Variants in ATG16L1 observed in about 807,000 individuals in gnomAD.
The protein encoded by ATG16L1 is autophagy-related protein 16-1.
ATG16L1 carries 37 observed loss-of-function variants against 88.5 expected under a neutral mutation model. That is an observed-to-expected ratio of 0.42 (90% CI 0.32 to 0.55). The LOEUF is 0.55. ATG16L1 is among the 20% of genes least tolerant of loss of function. The probability of loss-of-function intolerance (pLI) is 0.13; values close to 1 mark genes in which losing one functional copy is unlikely to be tolerated. For synonymous variants in ATG16L1, 301 were observed against 281.0 expected (o/e 1.07, Z -0.71); for missense variants, 554 against 752.8 (o/e 0.74, Z 3.09).
rs73998348 is a variant in ATG16L1, at chr2:233,292,540, A to G, written c.1628+106A>G. On this transcript the variant is annotated intron_variant, in intron 16 of 17. Coordinates refer to ENST00000392017, the MANE Select transcript of ATG16L1 (RefSeq NM_030803.7). ...CTAAATTTTGTTCAGTGCCCAACCT[A>G]TGTTTCCAGGAGTGTGCCTGTAAGT... 5.4e-3 allele frequency: 7,436 copies of G among 1,378,292 alleles called. 332 individuals carry two copies. The African/African-American group carries it at 0.093, about 17-fold the overall frequency. 85.4% of individuals were successfully genotyped at this position (1,378,292 alleles called of 1,614,324 possible).
chr2:233,286,986 C>T (rs959002634), intron 12 of ATG16L1, among the ~76,000 whole-genome samples: 1 of 152,070 alleles, frequency 6.6e-6, no homozygotes, highest in African/African-American at 2.4e-5. Flanking sequence ...AACAAAACGT[C>T]CCTTTCCCTT....
chr2:233,281,089 TTTTC>T lies in ATG16L1; in HGVS notation c.1061-12_1061-9del. The T allele has an allele frequency of 1.3e-6, 2 of 1,556,316 alleles. No individual in the cohort carries two copies. Among genetic ancestry groups the T allele is most frequent in the Non-Finnish European group, 1.7e-6 (2 of 1,147,526 alleles). ...TATTTAACTTCCCATCATCCTAATT[TTTTC>T]TTTTTATACAGAAAAATGTGAGTTC... On this transcript the variant is annotated splice_polypyrimidine_tract_variant and intron_variant, in intron 10 of 17. Coordinates refer to ENST00000392017, the MANE Select transcript of ATG16L1 (RefSeq NM_030803.7).
intron 14 of ATG16L1, among the ~76,000 whole-genome samples, chr2:233,290,732 C>T (rs1699403743): frequency 1.3e-5 from 2 of 152,130 alleles, no homozygotes; most frequent in South Asian, 4.1e-4. Context: ...CAGATTTCTC[C>T]GGAGACGTGA....
chr2:233,291,865 G>A (rs1013427444), intron 14 of ATG16L1, among the ~76,000 whole-genome samples: 2 of 152,208 alleles, frequency 1.3e-5, no homozygotes, highest in African/African-American at 2.4e-5. Flanking sequence ...ATCAGAAACC[G>A]ATGGGCGATT....
In ATG16L1 at chr2:233,281,086, AT is replaced by A. The variant is rs756525435; in HGVS notation, c.1061-13del. The A allele has an allele frequency of 2.4e-5, 37 of 1,545,366 alleles. No homozygotes were observed. In the South Asian group the frequency reaches 3.8e-4, roughly 16 times the overall value. On this transcript the variant is annotated intron_variant, in intron 10 of 17. Coordinates refer to ENST00000392017, the MANE Select transcript of ATG16L1 (RefSeq NM_030803.7). ...CTTTATTTAACTTCCCATCATCCTA[AT>A]TTTTTCTTTTTATACAGAAAAATGT...
intron 8 of ATG16L1, chr2:233,274,267 T>G (rs1698193734): frequency 1.8e-6 from 1 of 544,080 alleles, no homozygotes; most frequent in African/African-American, 1.9e-5. Flanking sequence ...AGACTCCACA[T>G]TGATCACAAG....
intron 12 of ATG16L1, 167 bp downstream of exon 12, chr2:233,282,920 C>G: frequency 1.7e-6 from 1 of 599,408 alleles, no homozygotes; most frequent in Non-Finnish European, 3.0e-6. Context: ...CCACTTTATA[C>G]TCTTTGTCCA....
intron 4 of ATG16L1, 126 bp from the exon 5 acceptor site, chr2:233,264,766 A>G: frequency 2.4e-6 from 3 of 1,274,526 alleles, no homozygotes; most frequent in African/African-American, 3.0e-5. Context: ...CCTGTAAACC[A>G]TGGGGATGGG....
intron 14 of ATG16L1, among the ~76,000 whole-genome samples, chr2:233,291,646 C>G (rs1317977529): frequency 6.6e-6 from 1 of 152,196 alleles, no homozygotes; most frequent in Admixed American, 6.5e-5. Context: ...GGCCGTGGCT[C>G]TGCCCTGGCT....
At chr2:233,288,677 G>A (rs1193160376) in intron 12 of ATG16L1, 1 of 494,618 alleles carries the variant, frequency 2.0e-6, no homozygotes, top group East Asian at 5.6e-5. Context: ...CTGCATAGAG[G>A]TCAATGATGA....
At chr2:233,271,137 A>G (rs1181542773) in intron 6 of ATG16L1, among the ~76,000 whole-genome samples, 2 of 152,228 alleles carry the variant, frequency 1.3e-5, no homozygotes, top group Non-Finnish European at 2.9e-5. Flanking sequence ...TTTCTTCAGA[A>G]TAACAGCTTA....
chr2:233,290,384 C>T, intron 14 of ATG16L1, 31 bp downstream of exon 14: 1 of 1,528,190 alleles, frequency 6.5e-7, no homozygotes, highest in African/African-American at 1.4e-5. Context: ...ACTGGAGGCA[C>T]ATAAGAGTCT....
chr2:233,285,464 C>T (rs942520217), intron 12 of ATG16L1, among the ~76,000 whole-genome samples: 4 of 152,204 alleles, frequency 2.6e-5, no homozygotes, highest in Non-Finnish European at 4.4e-5. Context: ...ACAGGTCTCA[C>T]TGGGGAAATG....
intron 8 of ATG16L1, chr2:233,274,136 C>T (rs1698183611): frequency 7.7e-7 from 1 of 1,303,576 alleles, no homozygotes; most frequent in Non-Finnish European, 1.1e-6. Flanking sequence ...ATCAGATGTT[C>T]ACGTGCTAAC....
At position 233,277,553 on chromosome 2, in the gene ATG16L1, G is replaced by C; in HGVS notation, c.955-15G>C. ...TGAGAATGACTGGGTTTGACACAGG[G>C]TGCTTGTCTTGCAGGATGCACATGA... On this transcript the variant is annotated splice_polypyrimidine_tract_variant and intron_variant, in intron 9 of 17. Transcript: ENST00000392017. The C allele has an allele frequency of 6.2e-7, 1 of 1,612,330 alleles. No individual in the cohort carries two copies. Among genetic ancestry groups the C allele is most frequent in the Admixed American group, 1.7e-5 (1 of 60,014 alleles).
intron 11 of ATG16L1, 149 bp from the exon 12 acceptor site, chr2:233,282,533 C>A (rs925180711): frequency 1.5e-6 from 1 of 670,234 alleles, no homozygotes; most frequent in South Asian, 1.8e-5. Context: ...AGTTGAAGCA[C>A]ACTCACGACA....
chr2:233,284,220 C>T (rs1183448139), intron 12 of ATG16L1, among the ~76,000 whole-genome samples: 3 of 151,386 alleles, frequency 2.0e-5, no homozygotes, highest in African/African-American at 7.3e-5. Flanking sequence ...GTGATCTCGG[C>T]TCACTGCAAC....
At chr2:233,292,034 C>T in intron 14 of ATG16L1, 94 bp from the exon 15 acceptor site, 1 of 1,436,778 alleles carries the variant, frequency 7.0e-7, no homozygotes, top group Non-Finnish European at 9.5e-7. Context: ...GCGTTGCATG[C>T]TAGTTGAATT....
intron 17 of ATG16L1, 109 bp downstream of exon 17, chr2:233,293,466 C>A: frequency 1.0e-6 from 1 of 992,910 alleles, no homozygotes; most frequent in East Asian, 2.5e-5. Context: ...GGGCACTGTC[C>A]GCCCACCTGC....
Sources: allele counts gnomAD v4.1 joint callset (sites outside exome capture counted in the v4.1 genomes callset), GRCh38; gene constraint gnomAD v4.1.1; transcripts MANE v1.5; gene names NCBI Gene and HGNC (gene_info 2026-07-23, HGNC 2026-07-21).